TMEM132D: variants seen among roughly 807,000 people sequenced by gnomAD.
TMEM132D encodes the protein transmembrane protein 132D.
A neutral mutation model predicts 62.3 loss-of-function variants in TMEM132D; 21 were observed. The ratio of observed to expected loss-of-function variants is 0.34; its 90% confidence interval spans 0.24 to 0.49. The LOEUF (loss-of-function observed/expected upper bound fraction) is 0.49. TMEM132D is among the 20% of genes least tolerant of loss of function. The pLI is 0.99. For synonymous variants in TMEM132D, 621 were observed against 575.6 expected (o/e 1.08, Z -1.13); for missense variants, 1,346 against 1,402.8 (o/e 0.96, Z 0.65).
chr12:129,302,777 C>A (rs1397062342), intron 4 of TMEM132D, among the ~76,000 whole-genome samples: 1 of 152,238 alleles, frequency 6.6e-6, no homozygotes, highest in East Asian at 1.9e-4. Context: ...TTGGCCAAAG[C>A]AATGCACACA....
intron 2 of TMEM132D, among the ~76,000 whole-genome samples, chr12:129,588,038 C>G (rs765310547): frequency 6.6e-6 from 1 of 152,202 alleles, no homozygotes; most frequent in East Asian, 1.9e-4. Flanking sequence ...GCTGCCCAGA[C>G]TCCTTGGCTG....
intron 3 of TMEM132D, among the ~76,000 whole-genome samples, chr12:129,386,590 A>C (rs1871111460): frequency 6.6e-6 from 1 of 151,900 alleles, no homozygotes; most frequent in African/African-American, 2.4e-5. Flanking sequence ...CAATGCCAAC[A>C]CTATCACTAA....
In TMEM132D at chr12:129,509,030, A is replaced by G. The variant is rs947411586; in HGVS notation, c.1115+22029T>C. Among the ~76,000 whole-genome samples the G allele has an allele frequency of 3.3e-5, 5 of 152,176 alleles. No individual in the cohort carries two copies. The South Asian group carries it at 8.3e-4, about 25-fold the overall frequency. On this transcript the variant is annotated intron_variant, in intron 3 of 8. Transcript: ENST00000422113. ...CCTGATCTGGCCTGCAGTTCACCATATTGCAATTCCTGATTACACACATTA... is the reference window on the plus strand; with the variant it reads ...CCTGATCTGGCCTGCAGTTCACCATGTTGCAATTCCTGATTACACACATTA...
chr12:129,289,566 A>AAAAAAAAAAAAAAAAAAAAAAG (rs1566023043), intron 4 of TMEM132D, among the ~76,000 whole-genome samples: 1 of 144,728 alleles, frequency 6.9e-6, no homozygotes. Context: ...AAAAAAAAAG[A>AAAAAAAAAAAAAAAAAAAAAAG]AAAAAAAGAA....
intron 5 of TMEM132D, among the ~76,000 whole-genome samples, chr12:129,106,059 C>T (rs969951351): frequency 6.6e-6 from 1 of 151,198 alleles, no homozygotes; most frequent in Non-Finnish European, 1.5e-5. Flanking sequence ...AAATGTGGCA[C>T]ATATACACCA....
chr12:129,280,186 C>T (rs1335904783), intron 4 of TMEM132D, among the ~76,000 whole-genome samples: 5 of 152,156 alleles, frequency 3.3e-5, no homozygotes, highest in Admixed American at 3.3e-4. Flanking sequence ...GTGAAATACA[C>T]ATAGTACAGG....
chr12:129,221,811 G>T (rs528728261), intron 4 of TMEM132D, among the ~76,000 whole-genome samples: 1 of 152,130 alleles, frequency 6.6e-6, no homozygotes, highest in South Asian at 2.1e-4. Flanking sequence ...CCTACCCCTG[G>T]CCTCCCAAAT....
intron 2 of TMEM132D, among the ~76,000 whole-genome samples, chr12:129,604,727 T>C (rs1878570399): frequency 6.6e-6 from 1 of 152,204 alleles, no homozygotes; most frequent in African/African-American, 2.4e-5. Flanking sequence ...TGAAGCATTA[T>C]CATACTTAGA....
intron 2 of TMEM132D, among the ~76,000 whole-genome samples, chr12:129,570,758 CT>C (rs1877490107): frequency 6.6e-6 from 1 of 152,180 alleles, no homozygotes; most frequent in Admixed American, 6.5e-5. Context: ...GTATTTATTT[CT>C]GAAATATTCA....
intron 1 of TMEM132D, among the ~76,000 whole-genome samples, chr12:129,793,066 TTTTA>T (rs1480093042): frequency 2.7e-5 from 4 of 147,808 alleles, no homozygotes; most frequent in Non-Finnish European, 6.0e-5. Flanking sequence ...CATTAATGCT[TTTTA>T]TTCTTTTTTT....
rs1874738738 is a variant in TMEM132D, at chr12:129,088,368, T to C, written c.1444-3666A>G. Among the ~76,000 whole-genome samples the C allele has an allele frequency of 8.8e-5, 4 of 45,498 alleles. 2 individuals carry two copies. The highest frequency in any genetic ancestry group is 1.5e-4 in the Non-Finnish European group (4 of 27,422). The allele number at this position is 45,498 out of a possible 152,430, so 29.8% of individuals were successfully genotyped here. On this transcript the variant is annotated intron_variant, in intron 5 of 8. Coordinates refer to ENST00000422113, the MANE Select transcript of TMEM132D (RefSeq NM_133448.3). ...CCGGGTGTCCTCCATGACCGGGGTGTCCTCCATGACCGGGGTGTCCTCTAT... is the reference window on the plus strand; with the variant it reads ...CCGGGTGTCCTCCATGACCGGGGTGCCCTCCATGACCGGGGTGTCCTCTAT...
At chr12:129,094,829 A>G (rs1188168670) in intron 5 of TMEM132D, among the ~76,000 whole-genome samples, 4 of 152,204 alleles carry the variant, frequency 2.6e-5, no homozygotes, top group Admixed American at 1.3e-4. Context: ...TGGCACATAT[A>G]CACCATGGAA....
Position 129,074,682 on chromosome 12 carries a change from C to T in TMEM132D, c.2493G>A (p.Ser831=), listed in dbSNP as rs147484227. 36 of 1,614,008 alleles carry T rather than the reference C, an allele frequency of 2.2e-5. 1 individual carries two copies. The highest frequency in any genetic ancestry group is 1.1e-4 in the African/African-American group (8 of 74,880). The change falls in exon 9 of 9, where the codon TCG becomes TCA. Residue 831 remains serine, a synonymous_variant. Transcript: ENST00000422113. The stretch of plus-strand genomic sequence containing the variant: ...GTCCTTCCTGACTCCCCCATTCCTG[C>T]GAGGGTTTTTTGGGCCTTCTGTCAC... The part of the protein sequence containing the change: ...NVSDRRPKKP[S]QEWGSQEGQY...
rs112544678 is a variant in TMEM132D at position 129,234,865 on chromosome 12, G to A, written c.1300-25202C>T. 7.4e-3 allele frequency among the ~76,000 whole-genome samples: 1,130 copies of A among 152,296 alleles called. 16 individuals carry two copies. Among genetic ancestry groups the A allele is most frequent in the African/African-American group, 0.025 (1,047 of 41,558 alleles). On this transcript the variant is annotated intron_variant, in intron 4 of 8. Coordinates refer to ENST00000422113, the MANE Select transcript of TMEM132D (RefSeq NM_133448.3). ...AGTATTTTGATAAGGATAGATGTAT[G>A]TAGAAAGAGTTAGGCATCTTATATG...
intron 4 of TMEM132D, among the ~76,000 whole-genome samples, chr12:129,272,657 A>C (rs1880885553): frequency 6.6e-6 from 1 of 151,648 alleles, no homozygotes; most frequent in Admixed American, 6.6e-5. Flanking sequence ...GATTTGTTTA[A>C]ATCCCTTATA....
At chr12:129,433,061 A>G (rs143644422) in intron 3 of TMEM132D, among the ~76,000 whole-genome samples, 2 of 152,192 alleles carry the variant, frequency 1.3e-5, no homozygotes, top group South Asian at 4.1e-4. Context: ...TGTACTCAAC[A>G]TGATGTCTCT....
At chr12:129,267,618 T>A (rs1300008330) in intron 4 of TMEM132D, among the ~76,000 whole-genome samples, 2 of 152,220 alleles carry the variant, frequency 1.3e-5, no homozygotes, top group African/African-American at 4.8e-5. Context: ...CAAGGTCATT[T>A]ATAGATTCGG....
chr12:129,820,887 C>G (rs1396552993), intron 1 of TMEM132D, among the ~76,000 whole-genome samples: 1 of 152,208 alleles, frequency 6.6e-6, no homozygotes, highest in South Asian at 2.1e-4. Flanking sequence ...ACACGCCTGG[C>G]TGCCCCCAGA....
chr12:129,405,682 G>C (rs753193629), intron 3 of TMEM132D, among the ~76,000 whole-genome samples: 1 of 152,108 alleles, frequency 6.6e-6, no homozygotes. Context: ...TGGGTACATG[G>C]AGTAGTCAGG....
Sources: allele counts gnomAD v4.1 joint callset (sites outside exome capture counted in the v4.1 genomes callset), GRCh38; gene constraint gnomAD v4.1.1; transcripts MANE v1.5; gene names NCBI Gene and HGNC (gene_info 2026-07-23, HGNC 2026-07-21).